Variants in PLCB1 observed in about 807,000 individuals in gnomAD.
The protein encoded by PLCB1 is phospholipase C beta 1.
Under a neutral mutation model 161.8 loss-of-function variants are expected in PLCB1, and 46 were observed. The ratio of observed to expected loss-of-function variants is 0.28; its 90% CI spans 0.22 to 0.36. PLCB1 has a LOEUF of 0.36. Among genes scored for constraint, PLCB1 ranks in the 10% least tolerant of loss-of-function variants. The pLI is 1.00. For synonymous variants in PLCB1, 517 were observed against 503.7 expected, an observed-to-expected ratio of 1.03 and a Z score of -0.35; for missense variants, 1,016 against 1,472.5, an observed-to-expected ratio of 0.69 and a Z score of 5.07.
At chr20:8,395,806 G>GT (rs2122450940) in intron 3 of PLCB1, among the ~76,000 whole-genome samples, 1 of 151,472 alleles carries the variant, frequency 6.6e-6, no homozygotes, top group South Asian at 2.1e-4. Flanking sequence ...CTAGAAATCT[G>GT]TTTTTCCCAT....
chr20:8,554,458 G>T (rs1985882613), intron 3 of PLCB1, among the ~76,000 whole-genome samples: 1 of 152,104 alleles, frequency 6.6e-6, no homozygotes, highest in African/African-American at 2.4e-5. Flanking sequence ...ATTCAGTCTA[G>T]TGATGAATCT....
chr20:8,854,758 G>A (rs1276377072), intron 31 of PLCB1, among the ~76,000 whole-genome samples: 5 of 152,192 alleles, frequency 3.3e-5, no homozygotes, highest in Non-Finnish European at 1.5e-5. Context: ...TCTCCACGCT[G>A]GCGAACGACA....
chr20:8,440,660 G>C (rs1171458009), intron 3 of PLCB1, among the ~76,000 whole-genome samples: 1 of 152,118 alleles, frequency 6.6e-6, no homozygotes, highest in African/African-American at 2.4e-5. Context: ...GGAAGGGAGG[G>C]TTAGGGAGAG....
At chr20:8,557,181 A>G (rs1985993630) in intron 3 of PLCB1, among the ~76,000 whole-genome samples, 1 of 151,854 alleles carries the variant, frequency 6.6e-6, no homozygotes, top group African/African-American at 2.4e-5. Context: ...ATAATTCAGC[A>G]AGTTCACTTC....
intron 2 of PLCB1, among the ~76,000 whole-genome samples, chr20:8,220,019 C>T (rs930530656): frequency 3.3e-5 from 5 of 152,110 alleles, no homozygotes; most frequent in African/African-American, 7.2e-5. Flanking sequence ...GAATGCAATA[C>T]ATCTTTGATA....
At chr20:8,291,409 T>G (rs1983377330) in intron 2 of PLCB1, among the ~76,000 whole-genome samples, 1 of 152,206 alleles carries the variant, frequency 6.6e-6, no homozygotes, top group Non-Finnish European at 1.5e-5. Flanking sequence ...GGGCTCAAGG[T>G]CCAAGAACAG....
At chr20:8,167,136 AAGTGAAGGGTAC>A (rs2051684144) in intron 2 of PLCB1, among the ~76,000 whole-genome samples, 1 of 152,088 alleles carries the variant, frequency 6.6e-6, no homozygotes, top group Admixed American at 6.6e-5. Context: ...CAGATTTGGA[AAGTGAAGGGTAC>A]AGTTGGCTCT....
intron 3 of PLCB1, among the ~76,000 whole-genome samples, chr20:8,517,683 G>C (rs1045764459): frequency 5.3e-5 from 8 of 152,158 alleles, no homozygotes; most frequent in African/African-American, 1.7e-4. Flanking sequence ...GATGGGACCG[G>C]GGCTCAGATG....
chr20:8,556,983 A>AAAAT (rs60833598), intron 3 of PLCB1, among the ~76,000 whole-genome samples: 23,792 of 143,098 alleles, frequency 0.17, 2,521 homozygotes, highest in East Asian at 0.51. Flanking sequence ...ATAAATAAAT[A>AAAAT]AAATAAATAA....
chr20:8,182,836 C>T (rs1468219738), intron 2 of PLCB1, among the ~76,000 whole-genome samples: 1 of 152,106 alleles, frequency 6.6e-6, no homozygotes, highest in Admixed American at 6.6e-5. Flanking sequence ...CCACCTCAGC[C>T]TCCCAAAGTG....
intron 3 of PLCB1, among the ~76,000 whole-genome samples, chr20:8,430,339 GT>G (rs1219463365): frequency 6.6e-6 from 1 of 151,978 alleles, no homozygotes; most frequent in African/African-American, 2.4e-5. Flanking sequence ...AATGATTGAG[GT>G]CAGGAGAACA....
Position 8,717,577 on chromosome 20 carries a change from G to C in PLCB1, c.1336-94G>C. 3.2e-6 allele frequency: 3 copies of C among 924,118 alleles called. No homozygotes were observed. The South Asian group carries it at 5.1e-5, about 16-fold the overall frequency. 57.2% of individuals were successfully genotyped at this position (924,118 alleles called of 1,614,324 possible). A position where few individuals can be genotyped will look rare whatever the true frequency, so the allele number is the denominator to read the frequency against. ...GTGTTGAAGGTAGGGAAGAAGTCTAGACATTTGGTATCCACAGCTGATCTG... is the reference window on the plus strand; with the variant it reads ...GTGTTGAAGGTAGGGAAGAAGTCTACACATTTGGTATCCACAGCTGATCTG... On this transcript the variant is annotated intron_variant, in intron 13 of 31. Coordinates refer to ENST00000338037, the MANE Select transcript of PLCB1 (RefSeq NM_015192.4).
chr20:8,743,021 A>C (rs1980963599), intron 23 of PLCB1, among the ~76,000 whole-genome samples: 1 of 152,180 alleles, frequency 6.6e-6, no homozygotes, highest in Admixed American at 6.5e-5. Context: ...GACTTTTTCC[A>C]GTTTGGATGC....
At chr20:8,761,749 C>A (rs1024114735) in intron 25 of PLCB1, among the ~76,000 whole-genome samples, 1 of 150,238 alleles carries the variant, frequency 6.7e-6, no homozygotes, top group Non-Finnish European at 1.5e-5. Flanking sequence ...AACTCCTGAC[C>A]TCAGGTGATC....
intron 2 of PLCB1, among the ~76,000 whole-genome samples, chr20:8,233,362 T>C (rs1321678183): frequency 3.9e-5 from 6 of 152,100 alleles, no homozygotes; most frequent in African/African-American, 1.4e-4. Context: ...ACAATAAGAA[T>C]GAATCCTTTT....
chr20:8,211,034 A>G (rs1355103959), intron 2 of PLCB1, among the ~76,000 whole-genome samples: 4 of 152,096 alleles, frequency 2.6e-5, no homozygotes, highest in Non-Finnish European at 5.9e-5. Context: ...TGTTAGCTCT[A>G]CCACTGCCTC....
At chr20:8,453,096 A>G (rs1167184062) in intron 3 of PLCB1, among the ~76,000 whole-genome samples, 2 of 152,186 alleles carry the variant, frequency 1.3e-5, no homozygotes, top group African/African-American at 2.4e-5. Context: ...TGATAACTCA[A>G]CTTTGGAATT....
At chr20:8,513,931 G>A (rs899617866) in intron 3 of PLCB1, among the ~76,000 whole-genome samples, 3 of 151,780 alleles carry the variant, frequency 2.0e-5, no homozygotes, top group Non-Finnish European at 4.4e-5. Flanking sequence ...GGAGGCTAAG[G>A]TGGGAAGATG....
intron 3 of PLCB1, among the ~76,000 whole-genome samples, chr20:8,535,170 G>C (rs1600135314): frequency 9.5e-6 from 1 of 105,716 alleles, no homozygotes; most frequent in South Asian, 3.2e-4. Flanking sequence ...TTCTATTAGA[G>C]CATAGGTTTT....
Sources: allele counts gnomAD v4.1 joint callset (sites outside exome capture counted in the v4.1 genomes callset), GRCh38; gene constraint gnomAD v4.1.1; transcripts MANE v1.5; gene names NCBI Gene and HGNC (gene_info 2026-07-23, HGNC 2026-07-21).